Variants in SIGLEC1 observed in about 807,000 individuals in gnomAD.
The protein encoded by SIGLEC1 is sialoadhesin.
Under a neutral mutation model 148.0 loss-of-function variants are expected in SIGLEC1, and 132 were observed. The ratio of observed to expected loss-of-function variants is 0.89; its 90% CI spans 0.77 to 1.03. SIGLEC1 has a LOEUF of 1.03. Among genes scored for constraint, SIGLEC1 ranks in the 50% least tolerant of loss-of-function variants. The probability of loss-of-function intolerance (pLI) is 0.00; values close to 1 mark genes in which losing one functional copy is unlikely to be tolerated. For synonymous variants in SIGLEC1, 945 were observed against 969.0 expected, an observed-to-expected ratio of 0.98 and a Z score of 0.46; for missense variants, 2,253 against 2,271.4, an observed-to-expected ratio of 0.99 and a Z score of 0.16.
At position 3,688,423 on chromosome 20, in the gene SIGLEC1, G is replaced by C; in HGVS notation, c.*137C>G. On this transcript the variant is annotated 3_prime_UTR_variant, in exon 22 of 22. Coordinates refer to ENST00000344754, the MANE Select transcript of SIGLEC1 (RefSeq NM_023068.4). The stretch of plus-strand genomic sequence containing the variant: ...GGGGGGGCAAGAGGCTTGGGGCCAG[G>C]TCATAAAAAGTCAGATGTCACAGAG... 2.6e-6 allele frequency: 2 copies of C among 783,400 alleles called. No homozygotes were observed. Among genetic ancestry groups the C allele is most frequent in the Non-Finnish European group, 4.4e-6 (2 of 458,082 alleles). The allele number at this position is 783,400 out of a possible 1,614,324, so 48.5% of individuals were successfully genotyped here. A position where few individuals can be genotyped will look rare whatever the true frequency, so the allele number is the denominator to read the frequency against.
Position 3,703,444 on chromosome 20 carries a change from C to A in SIGLEC1, c.981G>T (p.Glu327Asp), listed in dbSNP as rs1178314911. The change falls in exon 6 of 22, where the codon GAG becomes GAT. Residue 327 changes from glutamate (E) to aspartate (D), a missense_variant. Glu to Asp is a conservative substitution (Grantham distance 45). Coordinates refer to ENST00000344754, the MANE Select transcript of SIGLEC1 (RefSeq NM_023068.4). ...TGGGACCTGCTGGGCTCACCTGGACCTCAGCCACTGCAAGGGCAGCATAGG... is the reference window on the plus strand; with the variant it reads ...TGGGACCTGCTGGGCTCACCTGGACATCAGCCACTGCAAGGGCAGCATAGG... ...PPISLHIFMAEVQVSPAGPIL... is the reference protein window; with the variant it reads ...PPISLHIFMADVQVSPAGPIL... 1.3e-6 allele frequency: 2 copies of A among 1,569,724 alleles called. No individual in the cohort carries two copies. Among genetic ancestry groups the A allele is most frequent in the Admixed American group, 1.7e-5 (1 of 57,342 alleles).
intron 17 of SIGLEC1, 138 bp downstream of exon 17, chr20:3,691,765 C>T (rs1433449029): frequency 7.6e-7 from 1 of 1,316,464 alleles, no homozygotes; most frequent in East Asian, 2.4e-5. Context: ...GGGAGCTGTG[C>T]CCCCTCCACC....
At chr20:3,701,783 C>T (rs758669740) in intron 6 of SIGLEC1, 142 bp from the exon 7 acceptor site, 3 of 769,922 alleles carry the variant, frequency 3.9e-6, no homozygotes, top group Non-Finnish European at 5.8e-6. Context: ...TGAGTGCCTG[C>T]TGAATACACT....
Position 3,689,622 on chromosome 20 carries a change from G to T in SIGLEC1, c.4975C>A (p.Leu1659Met). Residue 1659 changes from leucine to methionine, a missense_variant, in exon 20 of 22, where the codon CTG becomes ATG. Transcript: ENST00000344754. ...CACCTCCAGGTGTAGCAGGCCCCCA[G>T]GCCCAACAGCAGGAGCAGGAGGCCC... ...LVGLLLLLLG[L>M]GACYTWRRRR... The T allele has an allele frequency of 6.3e-7, 1 of 1,585,780 alleles. No homozygotes were observed. Among genetic ancestry groups the T allele is most frequent in the East Asian group, 2.3e-5 (1 of 43,824 alleles).
Position 3,692,624 on chromosome 20 carries a change from G to C in SIGLEC1, c.3927C>G (p.Leu1309=), listed in dbSNP as rs551972956. ...GAGCCCGCGTGGCCACCAGGAATGA[G>C]AGTGAGGCAGCTGGACCCTCCTGCA... ...RWLQEGPAAS[L]SFLVATRAHA... Residue 1309 remains leucine (L), a synonymous_variant, in exon 16 of 22, where the codon CTC becomes CTG. Coordinates refer to ENST00000344754, the MANE Select transcript of SIGLEC1 (RefSeq NM_023068.4). 1 of 1,613,002 alleles carries C rather than the reference G, an allele frequency of 6.2e-7. No individual in the cohort carries two copies. Among genetic ancestry groups the C allele is most frequent in the Admixed American group, 1.7e-5 (1 of 60,030 alleles).
chr20:3,710,392 C>T lies in SIGLEC1; in HGVS notation c.-110+2078G>A, dbSNP rs1028380018. ...ACCGCTCCCCAGGGGACCCAGCCCT[C>T]TCGCAGGCTGCTGGAGTGGACTGAT... On this transcript the variant is annotated intron_variant, in intron 1 of 21. Coordinates refer to ENST00000344754, the MANE Select transcript of SIGLEC1 (RefSeq NM_023068.4). This position sits in a 1 kb window ranked among gnomAD's most constrained non-coding sequence, Gnocchi z 4.6. Among the ~76,000 whole-genome samples the T allele has an allele frequency of 2.0e-5, 3 of 152,334 alleles. No individual in the cohort carries two copies. The highest frequency in any genetic ancestry group is 2.9e-5 in the Non-Finnish European group (2 of 68,004).
intron 11 of SIGLEC1, among the ~76,000 whole-genome samples, chr20:3,695,137 A>T (rs889251102): frequency 3.4e-4 from 52 of 151,924 alleles, no homozygotes; most frequent in African/African-American, 1.2e-3. Flanking sequence ...TTTACCTCCC[A>T]CCACCTGGTG....
Position 3,703,844 on chromosome 20 carries a change from G to A in SIGLEC1, c.954C>T (p.Pro318=), listed in dbSNP as rs373178169. Residue 318 remains proline (P), a synonymous_variant, in exon 5 of 22, where the codon CCC becomes CCT. Coordinates refer to ENST00000344754, the MANE Select transcript of SIGLEC1 (RefSeq NM_023068.4). The part of the protein sequence containing the change: ...ENGVGSLVSP[P]ISLHIFMAEV... ...ACTCACTGAAGATGTGGAGGCTGAT[G>A]GGGGGTGAGACCAAAGAGCCCACGC... 4 of 1,613,750 alleles carry A rather than the reference G, an allele frequency of 2.5e-6. No homozygotes were observed. Among genetic ancestry groups the A allele is most frequent in the Non-Finnish European group, 3.4e-6 (4 of 1,180,002 alleles).
intron 7 of SIGLEC1, among the ~76,000 whole-genome samples, 185 bp downstream of exon 7, chr20:3,701,157 C>G (rs1258759700): frequency 2.6e-5 from 4 of 152,214 alleles, no homozygotes; most frequent in Non-Finnish European, 1.5e-5. Flanking sequence ...TGTTGTGTTT[C>G]CCTTTTTCCC....
intron 20 of SIGLEC1, 30 bp from the exon 21 acceptor site, chr20:3,689,257 C>T (rs187815259): frequency 6.3e-7 from 1 of 1,590,472 alleles, no homozygotes; most frequent in Non-Finnish European, 8.6e-7. Context: ...CTCAGAGAGC[C>T]TCTCCCCTCC....
At chr20:3,690,290 A>G (rs1229730493) in intron 18 of SIGLEC1, 26 bp from the exon 19 acceptor site, 1 of 1,510,832 alleles carries the variant, frequency 6.6e-7, no homozygotes, top group Non-Finnish European at 8.9e-7. Context: ...GAGTGTGGTG[A>G]TTGCAGACAA....
rs368602826 is a variant in SIGLEC1 at position 3,696,769 on chromosome 20, G to T, written c.2500C>A (p.His834Asn). ...LALLALFHGEHLLATSLGPQV... is the reference protein window; with the variant it reads ...LALLALFHGENLLATSLGPQV... The stretch of plus-strand genomic sequence containing the variant: ...GGACCCAGGCTGGTGGCCAGGAGGT[G>T]CTCCCCATGGAACAAGGCCAGCAAG... Residue 834 changes from histidine (H) to asparagine (N), a missense_variant, in exon 11 of 22, where the codon CAC (histidine) becomes AAC (asparagine). Physicochemically the swap from His to Asn is moderately conservative, Grantham distance 68 (BLOSUM62 1). Coordinates refer to ENST00000344754, the MANE Select transcript of SIGLEC1 (RefSeq NM_023068.4). 5.0e-6 allele frequency: 8 copies of T among 1,613,156 alleles called. No homozygotes were observed. The highest frequency in any genetic ancestry group is 3.3e-5 in the Admixed American group (2 of 60,002).
Position 3,694,933 on chromosome 20 carries a change from A to G in SIGLEC1, c.2684-10T>C. ...ACCTGGACCCAGGCTCCTGCAGGGG[A>G]AAACCAAGAGCAGGTGAGGGCTCTC... On this transcript the variant is annotated splice_polypyrimidine_tract_variant and intron_variant, in intron 11 of 21. Coordinates refer to ENST00000344754, the MANE Select transcript of SIGLEC1 (RefSeq NM_023068.4). 6.2e-7 allele frequency: 1 copy of G among 1,607,228 alleles called. No homozygotes were observed. The highest frequency in any genetic ancestry group is 8.5e-7 in the Non-Finnish European group (1 of 1,177,006).
chr20:3,688,911 G>T, intron 21 of SIGLEC1: 2 of 600,046 alleles, frequency 3.3e-6, no homozygotes, highest in Middle Eastern at 4.4e-4. Context: ...TGGAGGGGAT[G>T]CTGCCAAGTC....
rs148857283 is a variant in SIGLEC1 at position 3,690,173 on chromosome 20, G to A, written c.4683C>T (p.Leu1561=). 64 of 1,580,238 alleles carry A rather than the reference G, an allele frequency of 4.1e-5. No individual in the cohort carries two copies. Among genetic ancestry groups the A allele is most frequent in the Admixed American group, 2.2e-4 (12 of 55,188 alleles). Residue 1561 remains leucine (L), a synonymous_variant, in exon 19 of 22, where the codon CTC becomes CTT. Transcript: ENST00000344754. The part of the protein sequence containing the change: ...ILDCRVDSEP[L]ASLTLHLGSR... ...TGCCAAGGTGGAGAGTCAGGCTGGC[G>A]AGCGGCTCGCTGTCCACTCGGCAAT...
Position 3,701,636 on chromosome 20 carries a change from G to A in SIGLEC1, c.1234C>T (p.Pro412Ser), listed in dbSNP as rs1364794336. The stretch of plus-strand genomic sequence containing the variant: ...AAGGCTGTCAGGACTGGAGTGAGAG[G>A]CGGGTCTGTGTGGAGACGAGAGGTG... ...GPVSVVVNHP[P>S]LTPVLTAFLE... Residue 412 changes from proline (P) to serine (S), a missense_variant, in exon 7 of 22, where the codon CCT (proline) becomes TCT (serine). By Grantham distance (74) the Pro-to-Ser change is moderately conservative (BLOSUM62 -1). Coordinates refer to ENST00000344754, the MANE Select transcript of SIGLEC1 (RefSeq NM_023068.4). 1 of 1,561,554 alleles carries A rather than the reference G, an allele frequency of 6.4e-7. No individual in the cohort carries two copies. The highest frequency in any genetic ancestry group is 8.7e-7 in the Non-Finnish European group (1 of 1,149,360).
rs1345259925 is a variant in SIGLEC1 at position 3,696,631 on chromosome 20, T to C, written c.2638A>G (p.Asn880Asp). 8 of 1,613,530 alleles carry C rather than the reference T, an allele frequency of 5.0e-6. No homozygotes were observed. The highest frequency in any genetic ancestry group is 6.8e-6 in the Non-Finnish European group (8 of 1,179,922). Reference protein sequence around the residue: ...DSGSYRCEATNVLGSSNTSLF... With the variant: ...DSGSYRCEATDVLGSSNTSLF... ...GAGGTGTTGGATGATCCAAGAACAT[T>C]TGTGGCCTCACAGCGGTAGCTGCCA... Residue 880 changes from asparagine to aspartate, a missense_variant, in exon 11 of 22, where the codon AAT becomes GAT. Asn to Asp is a conservative substitution (Grantham distance 23). Coordinates refer to ENST00000344754, the MANE Select transcript of SIGLEC1 (RefSeq NM_023068.4).
rs1203219514 is a variant in SIGLEC1 at position 3,690,124 on chromosome 20, G to C, written c.4732C>G (p.Pro1578Ala). Residue 1578 changes from proline to alanine, a missense_variant, in exon 19 of 22, where the codon CCC (proline) becomes GCC (alanine). Transcript: ENST00000344754. ...TGTGGCTCTGCAGGAGCACCCTGGGGCTGACTGGAGGCCACCAGTCGACTG... is the reference window on the plus strand; with the variant it reads ...TGTGGCTCTGCAGGAGCACCCTGGGCCTGACTGGAGGCCACCAGTCGACTG... The part of the protein sequence containing the change: ...LGSRLVASSQ[P>A]QGAPAEPHIH... 6.2e-7 allele frequency: 1 copy of C among 1,608,612 alleles called. No homozygotes were observed. The highest frequency in any genetic ancestry group is 1.7e-5 in the Admixed American group (1 of 59,486).
chr20:3,703,035 C>G, intron 6 of SIGLEC1, 162 bp downstream of exon 6: 1 of 730,604 alleles, frequency 1.4e-6, no homozygotes, highest in Non-Finnish European at 2.2e-6. Flanking sequence ...CTAGGGAGGT[C>G]AAAGCATTGC....
Sources: allele counts gnomAD v4.1 joint callset (sites outside exome capture counted in the v4.1 genomes callset), GRCh38; gene constraint gnomAD v4.1.1; non-coding constraint Gnocchi (gnomAD v3.1); transcripts MANE v1.5; gene names NCBI Gene and HGNC (gene_info 2026-07-23, HGNC 2026-07-21).